Variants in CEP120 observed in about 807,000 individuals in gnomAD.
The protein encoded by CEP120 is centrosomal protein of 120 kDa.
CEP120 carries 113 observed loss-of-function variants against 126.5 expected under a neutral mutation model. The observed-to-expected ratio is 0.89, with a 90% CI of 0.77 to 1.04. The LOEUF (loss-of-function observed/expected upper bound fraction) is 1.04, where lower values mean the gene tolerates loss of function less well. CEP120 is among the 50% of genes least tolerant of loss of function. The pLI is 0.00. For missense variants in CEP120, 1,230 were observed against 1,155.7 expected, an observed-to-expected ratio of 1.06 and a Z score of -0.93; for synonymous variants, 400 against 394.3, an observed-to-expected ratio of 1.01 and a Z score of -0.17.
chr5:123,388,202 TATAA>T, intron 9 of CEP120: 1 of 279,852 alleles, frequency 3.6e-6, no homozygotes, highest in South Asian at 1.5e-4. Context: ...AATAAGTTAT[TATAA>T]ATGCCTACAA....
At chr5:123,410,041 T>C (rs868062142) in intron 4 of CEP120, among the ~76,000 whole-genome samples, 2 of 138,208 alleles carry the variant, frequency 1.4e-5, no homozygotes, top group Middle Eastern at 8.7e-3. Context: ...GGTTATAAAA[T>C]ACAAAGTTAA....
chr5:123,393,849 T>C (rs1293099853), intron 5 of CEP120, among the ~76,000 whole-genome samples: 6 of 152,224 alleles, frequency 3.9e-5, no homozygotes, highest in Admixed American at 3.9e-4. Flanking sequence ...TTTCATCTCA[T>C]ACTTCCTCAG....
At chr5:123,375,668 C>G (rs763398411) in intron 16 of CEP120, among the ~76,000 whole-genome samples, 1 of 152,072 alleles carries the variant, frequency 6.6e-6, no homozygotes, top group Non-Finnish European at 1.5e-5. Context: ...TTCTTAAGAG[C>G]TCTCCTGGTG....
chr5:123,400,659 C>CT (rs34109692), intron 4 of CEP120, among the ~76,000 whole-genome samples: 43,992 of 88,878 alleles, frequency 0.49, 11,182 homozygotes, highest in East Asian at 0.63. Context: ...ATATATATGG[C>CT]TTTTTTTTTT....
intron 18 of CEP120, among the ~76,000 whole-genome samples, chr5:123,359,878 C>A (rs1042734166): frequency 2.0e-5 from 3 of 151,970 alleles, no homozygotes; most frequent in Non-Finnish European, 4.4e-5. Context: ...TCTGTTTAAA[C>A]ATTCTTCTGG....
intron 14 of CEP120, among the ~76,000 whole-genome samples, chr5:123,381,353 TGAGAGGAG>T (rs1771632974): frequency 2.7e-5 from 4 of 148,738 alleles, no homozygotes. Flanking sequence ...CTAGAGTTGA[TGAGAGGAG>T]GGGGTTATAG....
At chr5:123,393,204 G>A in intron 6 of CEP120, 96 bp downstream of exon 6, 2 of 1,085,880 alleles carry the variant, frequency 1.8e-6, no homozygotes, top group Non-Finnish European at 2.8e-6. Context: ...ACTGAAATAG[G>A]ATTAAGTTTA....
intron 10 of CEP120, among the ~76,000 whole-genome samples, chr5:123,385,913 T>C (rs976738116): frequency 6.6e-6 from 1 of 152,186 alleles, no homozygotes; most frequent in African/African-American, 2.4e-5. Context: ...CCTACTATTA[T>C]ATTTTTTGTA....
rs374674761 is a variant in CEP120, at chr5:123,382,456, C to T, written c.2014-256G>A. ...GTTTGGAGACTAATGATGCAAGGTT[C>T]CAGGAGGGCATGCCAAATGAGGACA... On this transcript the variant is annotated intron_variant, in intron 13 of 19. Transcript: ENST00000306467. Among the ~76,000 whole-genome samples, 5 of 151,884 alleles carry T rather than the reference C, an allele frequency of 3.3e-5. No homozygotes were observed. In the East Asian group the frequency reaches 9.7e-4, roughly 29 times the overall value.
intron 4 of CEP120, chr5:123,401,143 G>A: frequency 3.7e-6 from 6 of 1,606,876 alleles, no homozygotes; most frequent in South Asian, 2.2e-5. Flanking sequence ...GACTCCAGCC[G>A]GCTCTCCTCG....
At chr5:123,399,479 A>G (rs1481924485) in intron 4 of CEP120, among the ~76,000 whole-genome samples, 195 bp from the exon 5 acceptor site, 1 of 152,224 alleles carries the variant, frequency 6.6e-6, no homozygotes, top group Non-Finnish European at 1.5e-5. Flanking sequence ...TCTGTATGTA[A>G]AAGTAAAATT....
At position 123,408,783 on chromosome 5, in the gene CEP120, C is replaced by T. The variant is rs189194188; in HGVS notation, c.463+3616G>A. 6.6e-5 allele frequency among the ~76,000 whole-genome samples: 10 copies of T among 152,222 alleles called. No individual in the cohort carries two copies. The East Asian group carries it at 1.5e-3, about 23-fold the overall frequency. On this transcript the variant is annotated intron_variant, in intron 4 of 19. Coordinates refer to ENST00000306467, the MANE Select transcript of CEP120 (RefSeq NM_001375405.1). ...CTCATTCTATGAGGCCAGCATCATC[C>T]TAATACCAAAATCAAAGACATTACA...
At chr5:123,402,595 T>C (rs1005169803) in intron 4 of CEP120, among the ~76,000 whole-genome samples, 21 of 152,040 alleles carry the variant, frequency 1.4e-4, no homozygotes, top group African/African-American at 2.7e-4. Context: ...CTATTTTTAG[T>C]AGAGAAGGGG....
intron 6 of CEP120, among the ~76,000 whole-genome samples, chr5:123,392,618 C>G (rs1246635676): frequency 1.3e-5 from 2 of 152,088 alleles, no homozygotes; most frequent in Non-Finnish European, 2.9e-5. Flanking sequence ...TCAAGCAGTC[C>G]TTCCACCTCA....
intron 4 of CEP120, among the ~76,000 whole-genome samples, chr5:123,409,848 T>A (rs938487433): frequency 6.6e-6 from 1 of 151,684 alleles, no homozygotes; most frequent in Non-Finnish European, 1.5e-5. Flanking sequence ...TCCCAGCTAC[T>A]CAGGAGGCTG....
intron 5 of CEP120, among the ~76,000 whole-genome samples, chr5:123,397,634 T>G (rs1772874126): frequency 6.6e-6 from 1 of 152,216 alleles, no homozygotes; most frequent in East Asian, 1.9e-4. Flanking sequence ...AACACCAAGT[T>G]CTTTATATAG....
chr5:123,346,842 C>T (rs1176296609), intron 19 of CEP120, 89 bp from the exon 20 acceptor site: 2 of 978,864 alleles, frequency 2.0e-6, no homozygotes, highest in East Asian at 2.6e-5. Context: ...AATGGTAAGA[C>T]AAGGTTTTAG....
chr5:123,371,312 T>C (rs934191584), intron 17 of CEP120, among the ~76,000 whole-genome samples: 2 of 152,004 alleles, frequency 1.3e-5, no homozygotes, highest in African/African-American at 4.8e-5. Context: ...ACAATCATGG[T>C]AGAAGGCAAG....
In CEP120 at chr5:123,382,654, T is replaced by C. The variant is rs78728991; in HGVS notation, c.2013+83A>G. On this transcript the variant is annotated intron_variant, in intron 13 of 19. Coordinates refer to ENST00000306467, the MANE Select transcript of CEP120 (RefSeq NM_001375405.1). The stretch of plus-strand genomic sequence containing the variant: ...AGTTAGATAAGGTACCTACAGAACA[T>C]AGAGATTAAACCTTGCTACGGAGAA... 4.9e-4 allele frequency: 630 copies of C among 1,294,008 alleles called. 9 individuals are homozygous for C. The East Asian group carries it at 0.015, about 31-fold the overall frequency. The allele number at this position is 1,294,008 out of a possible 1,614,324, so 80.2% of individuals were successfully genotyped here. A position where few individuals can be genotyped will look rare whatever the true frequency, so the allele number is the denominator to read the frequency against.
Sources: gnomAD v4.1 joint callset for allele counts (sites outside exome capture counted in the v4.1 genomes callset) on GRCh38, gnomAD v4.1.1 for gene constraint, MANE v1.5 for transcripts, NCBI Gene and HGNC (gene_info 2026-07-23, HGNC 2026-07-21) for gene names.